The following MAP3K5 variants were observed in gnomAD, a reference collection of about 807,000 sequenced individuals.
MAP3K5 encodes mitogen-activated protein kinase kinase kinase 5, also known as ASK-1.
Under a neutral mutation model 158.7 loss-of-function variants are expected in MAP3K5, and 56 were observed. The ratio of observed to expected loss-of-function variants is 0.35; its 90% CI spans 0.28 to 0.44. MAP3K5 has a LOEUF of 0.44. MAP3K5 is among the 20% of genes least tolerant of loss of function. The pLI is 1.00. For synonymous variants in MAP3K5, 579 were observed against 601.7 expected, an observed-to-expected ratio of 0.96 and a Z score of 0.55; for missense variants, 1,294 against 1,674.8, an observed-to-expected ratio of 0.77 and a Z score of 3.97.
intron 21 of MAP3K5, among the ~76,000 whole-genome samples, chr6:136,596,008 G>C (rs1266918100): frequency 6.6e-6 from 1 of 152,082 alleles, no homozygotes; most frequent in Non-Finnish European, 1.5e-5. Context: ...ATCTAAAAAA[G>C]AAAAAAGCAA....
At chr6:136,772,881 G>C (rs1434389909) in intron 1 of MAP3K5, among the ~76,000 whole-genome samples, 1 of 152,190 alleles carries the variant, frequency 6.6e-6, no homozygotes, top group Non-Finnish European at 1.5e-5. Context: ...ATTGGGGACA[G>C]ATGCATGGAA....
intron 1 of MAP3K5, among the ~76,000 whole-genome samples, chr6:136,759,627 C>T (rs934606835): frequency 2.0e-5 from 3 of 151,200 alleles, no homozygotes; most frequent in Non-Finnish European, 1.5e-5. Context: ...TACACCACCA[C>T]ATCCAGCTAA....
At chr6:136,627,754 C>T (rs1399609948) in intron 14 of MAP3K5, among the ~76,000 whole-genome samples, 1 of 152,166 alleles carries the variant, frequency 6.6e-6, no homozygotes, top group Admixed American at 6.5e-5. Flanking sequence ...ATTTCTCAGC[C>T]TCTGGAACTG....
chr6:136,790,318 A>G (rs571552681), intron 1 of MAP3K5, among the ~76,000 whole-genome samples: 366 of 152,328 alleles, frequency 2.4e-3, no homozygotes, highest in Admixed American at 5.9e-3. Flanking sequence ...TGCAATAAAA[A>G]TAGGCTCAAG....
rs753204008 is a variant in MAP3K5 at position 136,562,511 on chromosome 6, T to C, written c.3866A>G (p.Gln1289Arg). 6.3e-7 allele frequency: 1 copy of C among 1,575,974 alleles called. No homozygotes were observed. ...AACTTTCTGCTATTCACCTATGGGT[T>C]GGGACTTAAGCTTCAGGTGTTTAAT... Reference protein sequence around the residue: ...QEIKHLKLKSQPIEIPELPVF... With the variant: ...QEIKHLKLKSRPIEIPELPVF... Residue 1289 changes from glutamine to arginine, a missense_variant, in exon 27 of 30, where the codon CAA (glutamine) becomes CGA (arginine). This residue lies in a region of MAP3K5 where 199 missense variants were observed against 220.3 expected (regional missense o/e 0.90). Transcript: ENST00000359015.
At chr6:136,701,460 C>T (rs182132534) in intron 3 of MAP3K5, among the ~76,000 whole-genome samples, 1 of 152,080 alleles carries the variant, frequency 6.6e-6, no homozygotes, top group Admixed American at 6.6e-5. Context: ...ATCAAGTATG[C>T]TAAATTGTTC....
Position 136,753,768 on chromosome 6 carries a change from G to C in MAP3K5, c.449-33179C>G, listed in dbSNP as rs1221852681. 3.3e-5 allele frequency among the ~76,000 whole-genome samples: 5 copies of C among 152,310 alleles called. No individual in the cohort carries two copies. The East Asian group carries it at 7.7e-4, about 23-fold the overall frequency. ...ATCATCATAAATAATGCTAAGGCCT[G>C]TCTGAAAGCCCCAAATACCACAAGA... On this transcript the variant is annotated intron_variant, in intron 1 of 29. Coordinates refer to ENST00000359015, the MANE Select transcript of MAP3K5 (RefSeq NM_005923.4).
At chr6:136,777,244 T>C (rs1258678374) in intron 1 of MAP3K5, among the ~76,000 whole-genome samples, 1 of 152,204 alleles carries the variant, frequency 6.6e-6, no homozygotes, top group Non-Finnish European at 1.5e-5. Context: ...ATATATCAGT[T>C]TTTAAAACCA....
intron 1 of MAP3K5, among the ~76,000 whole-genome samples, chr6:136,741,465 A>C (rs1782705531): frequency 6.6e-6 from 1 of 152,004 alleles, no homozygotes; most frequent in Non-Finnish European, 1.5e-5. Context: ...AGATGTTGAT[A>C]ATTTGCAGTC....
intron 26 of MAP3K5, among the ~76,000 whole-genome samples, chr6:136,567,376 A>G (rs936447904): frequency 6.6e-6 from 1 of 152,204 alleles, no homozygotes; most frequent in Non-Finnish European, 1.5e-5. Context: ...GCTACAACGA[A>G]GCTATTGGAA....
chr6:136,645,521 G>T (rs891592759), intron 11 of MAP3K5, among the ~76,000 whole-genome samples: 1 of 152,056 alleles, frequency 6.6e-6, no homozygotes, highest in Admixed American at 6.6e-5. Flanking sequence ...CAAAAGGGGG[G>T]GAAATTCTAA....
intron 8 of MAP3K5, among the ~76,000 whole-genome samples, chr6:136,665,383 G>C (rs1779182351): frequency 6.9e-6 from 1 of 144,714 alleles, no homozygotes; most frequent in Non-Finnish European, 1.5e-5. Context: ...TTTCGCTCTT[G>C]TCGCCCAGGC....
chr6:136,769,972 TAGAC>T (rs1275917493), intron 1 of MAP3K5, among the ~76,000 whole-genome samples: 2 of 152,016 alleles, frequency 1.3e-5, no homozygotes, highest in African/African-American at 2.4e-5. Context: ...AAGTTTAAAA[TAGAC>T]AGCTACTATA....
intron 8 of MAP3K5, among the ~76,000 whole-genome samples, chr6:136,662,334 T>C (rs1038544842): frequency 6.6e-6 from 1 of 151,776 alleles, no homozygotes; most frequent in Admixed American, 6.5e-5. Flanking sequence ...AGGAACATTG[T>C]CTTTTTTAAC....
intron 1 of MAP3K5, among the ~76,000 whole-genome samples, chr6:136,726,713 T>G (rs1781983089): frequency 6.6e-6 from 1 of 152,202 alleles, no homozygotes; most frequent in African/African-American, 2.4e-5. Flanking sequence ...ACCTAAATGT[T>G]TTCTCTTTTT....
intron 10 of MAP3K5, among the ~76,000 whole-genome samples, chr6:136,651,852 A>G (rs907672137): frequency 6.6e-6 from 1 of 152,284 alleles, no homozygotes; most frequent in Admixed American, 6.5e-5. Context: ...GAATAATACT[A>G]AAATAACACA....
chr6:136,740,583 G>A (rs984163589), intron 1 of MAP3K5, among the ~76,000 whole-genome samples: 6 of 151,886 alleles, frequency 4.0e-5, no homozygotes, highest in African/African-American at 1.5e-4. Flanking sequence ...TTCTACCTCC[G>A]TGTGATTTAT....
At chr6:136,622,734 ACAGAGTGAAGTTTT>A (rs1776863956) in intron 15 of MAP3K5, 100 bp downstream of exon 15, 1 of 1,174,090 alleles carries the variant, frequency 8.5e-7, no homozygotes, top group Non-Finnish European at 1.2e-6. Context: ...GAGCTAATTC[ACAGAGTGAAGTTTT>A]CACAGTTTCA....
intron 1 of MAP3K5, among the ~76,000 whole-genome samples, chr6:136,751,938 A>C (rs1395133400): frequency 6.6e-6 from 1 of 152,226 alleles, no homozygotes; most frequent in African/African-American, 2.4e-5. Flanking sequence ...CACAGTAATC[A>C]GTTGGATTCT....
Sources: allele counts gnomAD v4.1 joint callset (sites outside exome capture counted in the v4.1 genomes callset), GRCh38; gene constraint gnomAD v4.1.1; regional missense constraint gnomAD v4.1.1; transcripts MANE v1.5; gene names NCBI Gene and HGNC (gene_info 2026-07-23, HGNC 2026-07-21).